SRP19: variants seen among roughly 807,000 people sequenced by gnomAD.
The protein encoded by SRP19 is signal recognition particle 19 kDa protein.
A neutral mutation model predicts 22.4 loss-of-function variants in SRP19; 11 were observed. The ratio of observed to expected loss-of-function variants is 0.49; its 90% CI spans 0.31 to 0.81. The LOEUF is 0.81. SRP19 is among the 40% of genes least tolerant of loss of function. The pLI, the probability that SRP19 is intolerant of heterozygous loss-of-function variation, is 0.05. For missense variants in SRP19, 168 were observed against 175.9 expected, an observed-to-expected ratio of 0.96 and a Z score of 0.25; for synonymous variants, 61 against 57.6, an observed-to-expected ratio of 1.06 and a Z score of -0.27.
chr5:112,895,800 C>T (rs984054680), downstream of SRP19: 7 of 152,184 alleles, frequency 4.6e-5, no homozygotes, highest in African/African-American at 1.7e-4. Flanking sequence ...ATTAAAGTCA[C>T]CCACACAGAT....
Position 112,891,217 on chromosome 5 carries a change from C to T in SRP19, c.302-386C>T, listed in dbSNP as rs147991531. On this transcript the variant is annotated intron_variant, in intron 4 of 4. Transcript: ENST00000391338. ...CCTCCCAAGTAGCTGGGATTACAGG[C>T]ACGTGCTACCAAGCCTGGCTAATTT... 1.9e-3 allele frequency among the ~76,000 whole-genome samples: 287 copies of T among 152,150 alleles called. 4 individuals are homozygous for T. The highest frequency in any genetic ancestry group is 6.1e-3 in the African/African-American group (253 of 41,492).
downstream of SRP19, among the ~76,000 whole-genome samples, chr5:112,870,084 T>C (rs554506790): frequency 6.6e-6 from 1 of 152,252 alleles, no homozygotes; most frequent in African/African-American, 2.4e-5. Flanking sequence ...TACTCACCTG[T>C]TTTGGGACCA....
chr5:112,883,715 T>C (rs1455204465), intron 4 of SRP19, among the ~76,000 whole-genome samples: 1 of 152,186 alleles, frequency 6.6e-6, no homozygotes, highest in African/African-American at 2.4e-5. Context: ...ATTTGACTAA[T>C]CCTTGTAGGT....
intron 4 of SRP19, chr5:112,878,979 G>T (rs1767982803): frequency 7.5e-7 from 1 of 1,325,836 alleles, no homozygotes. Context: ...GGGGTTTGTG[G>T]TCTGGGCTAA....
At chr5:112,891,957 A>G in exon 5 of SRP19, 1 of 1,233,528 alleles carries the variant, frequency 8.1e-7, no homozygotes, top group Non-Finnish European at 1.2e-6. Context: ...AATGGCTAGA[A>G]GAACAAGAGA....
At chr5:112,862,292 G>A in intron 1 of SRP19, 2 of 592,578 alleles carry the variant, frequency 3.4e-6, no homozygotes, top group Non-Finnish European at 6.0e-6. Context: ...ATCAGAAAGA[G>A]GAGTAGGCCC....
At chr5:112,889,695 A>C (rs2150037874) in intron 4 of SRP19, among the ~76,000 whole-genome samples, 1 of 150,656 alleles carries the variant, frequency 6.6e-6, no homozygotes, top group East Asian at 2.0e-4. Context: ...TTCCATCAGA[A>C]ATTGATATAC....
At chr5:112,891,548 A>C in intron 4 of SRP19, 1 of 1,508,300 alleles carries the variant, frequency 6.6e-7, no homozygotes, top group Non-Finnish European at 9.0e-7. Flanking sequence ...AATATTCATA[A>C]GTAGAATCAC....
Position 112,861,314 on chromosome 5 carries a change from T to G in SRP19, c.-63T>G. On this transcript the variant is annotated 5_prime_UTR_variant, in exon 1 of 5. Coordinates refer to ENST00000505459, the MANE Select transcript of SRP19 (RefSeq NM_003135.3). The stretch of plus-strand genomic sequence containing the variant: ...GCTGTCTCGGAAACTCAGAGCCGGG[T>G]TCCTCCCGGGTTTCTGCCGGGTTTC... 6.3e-7 allele frequency: 1 copy of G among 1,593,050 alleles called. No homozygotes were observed. The highest frequency in any genetic ancestry group is 8.6e-7 in the Non-Finnish European group (1 of 1,161,182).
intron 4 of SRP19, chr5:112,876,657 C>T (rs1387615876): frequency 6.6e-6 from 1 of 152,160 alleles, no homozygotes; most frequent in Admixed American, 6.6e-5. Context: ...CAAATAAACG[C>T]TTGTTTTCTA....
At position 112,875,364 on chromosome 5, in the gene SRP19, T is replaced by G. The variant is rs547376304; in HGVS notation, c.301+10632T>G. Among the ~76,000 whole-genome samples, 549 of 123,330 alleles carry G rather than the reference T, an allele frequency of 4.5e-3. 3 individuals carry two copies. The highest frequency in any genetic ancestry group is 4.9e-3 in the Non-Finnish European group (265 of 54,322). The allele number at this position is 123,330 out of a possible 152,430, so 80.9% of individuals were successfully genotyped here. ...TACCTTCAGAAGTACGTTTTGTTTT[T>G]GTTTTTGGTTTTTTTTTTTTTTGAG... On this transcript the variant is annotated intron_variant, in intron 4 of 4. Coordinates refer to the SRP19 transcript ENST00000391338.
rs1420309975 is a variant in SRP19, at chr5:112,880,002, T to C, written c.302-11601T>C. Among the ~76,000 whole-genome samples, 4 of 152,144 alleles carry C rather than the reference T, an allele frequency of 2.6e-5. No individual in the cohort carries two copies. In the East Asian group the frequency reaches 7.8e-4, roughly 29 times the overall value. ...ATGAATGCTATATAAATTGTTGTTA[T>C]ACTAAATTGTTTTTAAAATCTGTAT... On this transcript the variant is annotated intron_variant, in intron 4 of 4. Coordinates refer to the SRP19 transcript ENST00000391338.
exon 5 of SRP19, chr5:112,891,674 A>T (rs1768455560): frequency 2.5e-6 from 4 of 1,613,568 alleles, no homozygotes; most frequent in East Asian, 2.2e-5. Flanking sequence ...TTTCCCAAGA[A>T]GATGACATTT....
exon 5 of SRP19, chr5:112,892,476 C>G (rs1406828252): frequency 5.6e-6 from 9 of 1,614,018 alleles, no homozygotes; most frequent in African/African-American, 1.3e-5. Context: ...ATGTTCAGTA[C>G]CAGTCGGAAG....
intron 2 of SRP19, among the ~76,000 whole-genome samples, chr5:112,863,219 A>G (rs549112101): frequency 1.3e-4 from 20 of 152,306 alleles, no homozygotes; most frequent in Middle Eastern, 3.4e-3. Context: ...TCAACACCAT[A>G]GATTACTTTT....
downstream of SRP19, chr5:112,894,882 C>T (rs1427412033): frequency 1.3e-5 from 2 of 152,038 alleles, no homozygotes; most frequent in African/African-American, 4.8e-5. Context: ...AAGAGAGAGA[C>T]AGATGTCCAT....
chr5:112,892,617 A>C, exon 5 of SRP19: 1 of 1,614,162 alleles, frequency 6.2e-7, no homozygotes, highest in Non-Finnish European at 8.5e-7. Flanking sequence ...AACAATGTCC[A>C]AGAGGAAAAC....
At chr5:112,885,238 T>G (rs1210920795) in intron 4 of SRP19, 2 of 166,858 alleles carry the variant, frequency 1.2e-5, no homozygotes, top group African/African-American at 4.8e-5. Context: ...GAGAAGGCAC[T>G]GAGGAGGAAA....
At chr5:112,888,790 G>A (rs10043337) in intron 4 of SRP19, among the ~76,000 whole-genome samples, 3,180 of 150,898 alleles carry the variant, frequency 0.021, 296 homozygotes, top group African/African-American at 0.075. Context: ...GGAGGCCAAG[G>A]TGCAAGGATT....
Sources: allele counts gnomAD v4.1 joint callset (sites outside exome capture counted in the v4.1 genomes callset), GRCh38; gene constraint gnomAD v4.1.1; transcripts MANE v1.5; gene names NCBI Gene and HGNC (gene_info 2026-07-23, HGNC 2026-07-21).